Variants in CDC25A observed in about 807,000 individuals in gnomAD.
The protein encoded by CDC25A is M-phase inducer phosphatase 1.
Under a neutral mutation model 64.6 loss-of-function variants are expected in CDC25A, and 17 were observed. The ratio of observed to expected loss-of-function variants is 0.26; its 90% CI spans 0.18 to 0.39. CDC25A has a LOEUF of 0.39. Ranked by LOEUF, CDC25A falls within the 10% of genes least tolerant of loss-of-function variation. CDC25A has a pLI of 1.00. For synonymous variants in CDC25A, 229 were observed against 238.6 expected, an observed-to-expected ratio of 0.96 and a Z score of 0.37; for missense variants, 473 against 654.8, an observed-to-expected ratio of 0.72 and a Z score of 3.03.
intron 9 of CDC25A, 118 bp from the exon 10 acceptor site, chr3:48,168,062 T>TTTTTA (rs869238147): frequency 8.9e-5 from 55 of 616,848 alleles, no homozygotes; most frequent in Non-Finnish European, 1.4e-4. Context: ...TAGTAAGAAG[T>TTTTTA]TTTTATTTTA....
In CDC25A at chr3:48,174,319, G is replaced by A. The variant is rs772104840; in HGVS notation, c.895C>T (p.Pro299Ser). The stretch of plus-strand genomic sequence containing the variant: ...TTCTCTGGATTAGTTGACTCTTTGG[G>A]GCTGGCCCCAGACATGCTCTTCCTC... The part of the protein sequence containing the change: ...KRRKSMSGAS[P>S]KESTNPEKAH... Residue 299 changes from proline (P) to serine (S), a missense_variant, in exon 9 of 15, where the codon CCC (proline) becomes TCC (serine). Coordinates refer to ENST00000302506, the MANE Select transcript of CDC25A (RefSeq NM_001789.3). The A allele has an allele frequency of 6.2e-7, 1 of 1,614,134 alleles. No individual in the cohort carries two copies. Among genetic ancestry groups the A allele is most frequent in the South Asian group, 1.1e-5 (1 of 91,070 alleles).
Position 48,177,935 on chromosome 3 carries a change from A to G in CDC25A, c.603T>C (p.Phe201=). The G allele has an allele frequency of 1.9e-6, 3 of 1,613,932 alleles. No homozygotes were observed. Among genetic ancestry groups the G allele is most frequent in the Non-Finnish European group, 2.5e-6 (3 of 1,179,854 alleles). The change falls in exon 7 of 15, where the codon TTT becomes TTC. Residue 201 remains phenylalanine (F), a synonymous_variant. Transcript: ENST00000302506. ...TGGCTGTCACAGGTGACTGGGGTGT[A>G]AAAAGAGGAATGAAATTCCCTGGTT... The part of the protein sequence containing the change: ...SSEPGNFIPL[F]TPQSPVTATL...
chr3:48,177,629 G>T (rs2032512011), intron 7 of CDC25A, among the ~76,000 whole-genome samples, 187 bp from the exon 8 acceptor site: 1 of 152,070 alleles, frequency 6.6e-6, no homozygotes, highest in African/African-American at 2.4e-5. Context: ...CTCCTTCAGG[G>T]TAAGAAGGAT....
chr3:48,186,009 G>A (rs2032831149), intron 2 of CDC25A, among the ~76,000 whole-genome samples: 1 of 152,192 alleles, frequency 6.6e-6, no homozygotes, highest in South Asian at 2.1e-4. Context: ...GATAAACTCT[G>A]CAGTAATATG....
In CDC25A at chr3:48,159,071, G is replaced by C; in HGVS notation, c.1449C>G (p.Pro483=). The change falls in exon 15 of 15, where the codon CCC becomes CCG. Residue 483 remains proline, a synonymous_variant. Transcript: ENST00000302506. ...FFMKCQSYCE[P]PSYRPMHHED... ...CGTGGTGCATGGGCCGGTAGCTAGG[G>C]GGCTCACAGTAAGACTGAGGGGACA... 6.2e-7 allele frequency: 1 copy of C among 1,614,086 alleles called. No homozygotes were observed. Among genetic ancestry groups the C allele is most frequent in the Non-Finnish European group, 8.5e-7 (1 of 1,179,992 alleles).
At position 48,157,682 on chromosome 3, in the gene CDC25A, G is replaced by T. The variant is rs1422564326; in HGVS notation, c.*1263C>A. ...GGAGTTAGATAAGGGGACAACCGGT[G>T]ATGATTCATCACTCCCTGTCTCTAA... is the stretch of plus-strand genomic sequence containing the variant. On this transcript the variant is annotated 3_prime_UTR_variant, in exon 15 of 15. Coordinates refer to ENST00000302506, the MANE Select transcript of CDC25A (RefSeq NM_001789.3). 6.6e-6 allele frequency: 1 copy of T among 152,568 alleles called. No individual in the cohort carries two copies. The highest frequency in any genetic ancestry group is 1.5e-5 in the Non-Finnish European group (1 of 68,030). The allele number at this position is 152,568 out of a possible 1,614,324, so 9.5% of individuals were successfully genotyped here.
At chr3:48,186,992 A>G (rs2032866491) in intron 1 of CDC25A, among the ~76,000 whole-genome samples, 1 of 152,160 alleles carries the variant, frequency 6.6e-6, no homozygotes. Context: ...ATGGCCTTGG[A>G]CCACATTGCA....
chr3:48,187,231 A>G (rs1276796155), intron 1 of CDC25A, among the ~76,000 whole-genome samples: 1 of 152,246 alleles, frequency 6.6e-6, no homozygotes, highest in Non-Finnish European at 1.5e-5. Flanking sequence ...GGAAAAGCCC[A>G]GGAAGCTTTC....
At position 48,187,838 on chromosome 3, in the gene CDC25A, C is replaced by A. The variant is rs1485915985; in HGVS notation, c.110G>T (p.Gly37Val). Residue 37 changes from glycine to valine, a missense_variant, in exon 1 of 15, where the codon GGG becomes GTG. Physicochemically the swap from Gly to Val is moderately radical, Grantham distance 109. This residue lies in a region of CDC25A where 376 missense variants were observed against 431.9 expected (regional missense o/e 0.87). Coordinates refer to ENST00000302506, the MANE Select transcript of CDC25A (RefSeq NM_001789.3). Reference sequence around the variant, plus strand: ...CAGGTTGGTGACAGGCGACAGTCCCCCGGCGGCTGAAGCGCCAAATAGCGC... The same window carrying A: ...CAGGTTGGTGACAGGCGACAGTCCCACGGCGGCTGAAGCGCCAAATAGCGC... ...VKALFGASAA[G>V]GLSPVTNLTV... 2 of 1,549,238 alleles carry A rather than the reference C, an allele frequency of 1.3e-6. No homozygotes were observed. The highest frequency in any genetic ancestry group is 1.7e-6 in the Non-Finnish European group (2 of 1,146,080).
At chr3:48,159,206 C>T (rs1463971037) in intron 14 of CDC25A, 121 bp from the exon 15 acceptor site, 18 of 1,347,420 alleles carry the variant, frequency 1.3e-5, no homozygotes, top group Non-Finnish European at 1.9e-5. Flanking sequence ...GCCAGTTCTA[C>T]AGGGGCTTTC....
intron 7 of CDC25A, 99 bp from the exon 8 acceptor site, chr3:48,177,541 C>A: frequency 2.2e-6 from 2 of 891,638 alleles, no homozygotes; most frequent in Non-Finnish European, 3.7e-6. Context: ...ACCAGATAGG[C>A]CTGGATAGGA....
In CDC25A at chr3:48,188,055, G is replaced by T; in HGVS notation, c.-108C>A. 2 of 961,388 alleles carry T rather than the reference G, an allele frequency of 2.1e-6. No individual in the cohort carries two copies. The highest frequency in any genetic ancestry group is 1.4e-6 in the Non-Finnish European group (1 of 739,742). 59.6% of individuals were successfully genotyped at this position (961,388 alleles called of 1,614,324 possible). On this transcript the variant is annotated 5_prime_UTR_variant, in exon 1 of 15. Coordinates refer to ENST00000302506, the MANE Select transcript of CDC25A (RefSeq NM_001789.3). ...GGCCGCGCGCCACCGGCGCCCGCGG[G>T]TCAAACACAAACACGACTCCGCGGT...
intron 8 of CDC25A, among the ~76,000 whole-genome samples, chr3:48,176,426 T>C (rs1417501418): frequency 6.6e-6 from 1 of 151,178 alleles, no homozygotes; most frequent in Non-Finnish European, 1.5e-5. Flanking sequence ...TTTGAATATA[T>C]ATACACACAT....
chr3:48,167,909 G>A lies in CDC25A; in HGVS notation c.966C>T (p.Pro322=), dbSNP rs767143390. 5.2e-5 allele frequency: 83 copies of A among 1,609,706 alleles called. No homozygotes were observed. The highest frequency in any genetic ancestry group is 6.8e-5 in the Non-Finnish European group (80 of 1,176,216). Residue 322 remains proline, a synonymous_variant, in exon 10 of 15, where the codon CCC becomes CCT. Transcript: ENST00000302506. ...LHQSLSLASS[P]KGTIENILDN... is the part of the protein sequence containing the mutation. ...CCAAAATGTTCTCAATGGTTCCTTT[G>A]GGGGAAGATGCCAGGGATAAAGACT...
chr3:48,182,486 G>A (rs943445599), intron 5 of CDC25A, among the ~76,000 whole-genome samples: 1 of 152,104 alleles, frequency 6.6e-6, no homozygotes, highest in Non-Finnish European at 1.5e-5. Flanking sequence ...TGTTGACCCC[G>A]TTCTTACAAA....
chr3:48,165,210 C>G (rs766120716), intron 12 of CDC25A, among the ~76,000 whole-genome samples: 3 of 151,340 alleles, frequency 2.0e-5, no homozygotes, highest in Admixed American at 6.6e-5. Context: ...GCTGAACAAT[C>G]AACTTTGGAG....
chr3:48,179,200 CTT>C (rs746882168), intron 6 of CDC25A, among the ~76,000 whole-genome samples: 1 of 152,158 alleles, frequency 6.6e-6, no homozygotes, highest in African/African-American at 2.4e-5. Flanking sequence ...GGGTAGATAA[CTT>C]TATTATGGGG....
intron 8 of CDC25A, among the ~76,000 whole-genome samples, chr3:48,176,184 AAAAC>A (rs1193475146): frequency 2.6e-5 from 4 of 152,272 alleles, no homozygotes; most frequent in African/African-American, 2.4e-5. Flanking sequence ...AAAACAAAAC[AAAAC>A]AAACAAACAA....
Position 48,158,491 on chromosome 3 carries a change from G to A in CDC25A, c.*454C>T, listed in dbSNP as rs2031616838. The A allele has an allele frequency of 6.5e-6, 1 of 153,242 alleles. No individual in the cohort carries two copies. Among genetic ancestry groups the A allele is most frequent in the Non-Finnish European group, 1.5e-5 (1 of 68,622 alleles). 9.5% of individuals were successfully genotyped at this position (153,242 alleles called of 1,614,324 possible). ...GAGTTAGAAAAAAAAATAAAATAAA[G>A]TGATTGATGAAGTTGAATAAATTAA... On this transcript the variant is annotated 3_prime_UTR_variant, in exon 15 of 15. Coordinates refer to ENST00000302506, the MANE Select transcript of CDC25A (RefSeq NM_001789.3).
Sources: gnomAD v4.1 joint callset for allele counts (sites outside exome capture counted in the v4.1 genomes callset) on GRCh38, gnomAD v4.1.1 for gene constraint, gnomAD v4.1.1 regional missense constraint, MANE v1.5 for transcripts, NCBI Gene and HGNC (gene_info 2026-07-23, HGNC 2026-07-21) for gene names.